Variants in ZFP64 observed in about 807,000 individuals in gnomAD.
ZFP64 encodes ZFP64 zinc finger protein.
ZFP64 carries 14 observed loss-of-function variants against 51.6 expected under a neutral mutation model. The observed-to-expected ratio is 0.27, with a 90% CI of 0.18 to 0.42. ZFP64 has a LOEUF of 0.42. Ranked by LOEUF, ZFP64 falls within the 10% of genes least tolerant of loss-of-function variation. ZFP64 has a pLI of 1.00. For missense variants in ZFP64, 754 were observed against 906.8 expected, an observed-to-expected ratio of 0.83 and a Z score of 2.16; for synonymous variants, 375 against 361.4, an observed-to-expected ratio of 1.04 and a Z score of -0.43.
chr20:52,162,314 A>G (rs539378858), intron 4 of ZFP64, among the ~76,000 whole-genome samples: 1 of 150,350 alleles, frequency 6.7e-6, no homozygotes, highest in East Asian at 2.0e-4. Flanking sequence ...AAAAAAAAAA[A>G]TTAGCATTTT....
chr20:52,151,930 G>T lies in ZFP64; in HGVS notation c.*216C>A. The T allele has an allele frequency of 4.4e-6, 5 of 1,144,088 alleles. No homozygotes were observed. The highest frequency in any genetic ancestry group is 1.7e-5 in the South Asian group (1 of 58,964). 70.9% of individuals were successfully genotyped at this position (1,144,088 alleles called of 1,614,324 possible). ...CGTACACCTGTGGTCCCAGCTACTC[G>T]GAGGGCTGAGGCATGAGAATCGCTT... On this transcript the variant is annotated 3_prime_UTR_variant, in exon 6 of 6. Transcript: ENST00000216923.
chr20:52,103,579 G>C (rs1160929396), intron 5 of ZFP64, among the ~76,000 whole-genome samples: 2 of 152,216 alleles, frequency 1.3e-5, no homozygotes, highest in Non-Finnish European at 2.9e-5. Context: ...CGCAGCGCTG[G>C]CTGCAGGAAT....
chr20:52,132,690 A>G (rs573127668), intron 5 of ZFP64, among the ~76,000 whole-genome samples: 21 of 152,286 alleles, frequency 1.4e-4, no homozygotes, highest in East Asian at 1.2e-3. Context: ...GATCATTAAC[A>G]AGTAACGAGA....
chr20:52,163,779 T>G (rs1321173114), intron 4 of ZFP64, among the ~76,000 whole-genome samples: 1 of 140,298 alleles, frequency 7.1e-6, no homozygotes, highest in African/African-American at 2.7e-5. Flanking sequence ...AATACAAGCA[T>G]ATAACACTTG....
intron 5 of ZFP64, among the ~76,000 whole-genome samples, chr20:52,122,927 A>C (rs952950141): frequency 6.6e-6 from 1 of 152,190 alleles, no homozygotes; most frequent in Admixed American, 6.6e-5. Context: ...TTGAAATGAC[A>C]ACAAAGGGTT....
At chr20:52,119,118 C>T (rs377157025) in intron 5 of ZFP64, among the ~76,000 whole-genome samples, 1 of 151,956 alleles carries the variant, frequency 6.6e-6, no homozygotes, top group African/African-American at 2.4e-5. Context: ...GCATTCCAGC[C>T]TGGGTGACAG....
chr20:52,137,607 G>A (rs1023827212), intron 5 of ZFP64, among the ~76,000 whole-genome samples: 3 of 152,174 alleles, frequency 2.0e-5, no homozygotes, highest in Non-Finnish European at 4.4e-5. Context: ...GGTGAACAAT[G>A]AATGCAGTAA....
rs1310406392 is a variant in ZFP64, at chr20:52,152,658, C to T, written c.1534G>A (p.Val512Ile). ...TTCACTGCAGCGGCGGCAGCCTGGACGATGGTGTTCGCCTGGGGCACCTGA... is the reference window on the plus strand; with the variant it reads ...TTCACTGCAGCGGCGGCAGCCTGGATGATGGTGTTCGCCTGGGGCACCTGA... ...GHQVPQANTI[V>I]QAAAAAVNIV... Residue 512 changes from valine (V) to isoleucine (I), a missense_variant, in exon 6 of 6, where the codon GTC becomes ATC. This residue lies in a region of ZFP64 where 428 missense variants were observed against 472.4 expected (regional missense o/e 0.91). Coordinates refer to ENST00000216923, the MANE Select transcript of ZFP64 (RefSeq NM_018197.3). The T allele has an allele frequency of 3.9e-6, 6 of 1,536,824 alleles. No homozygotes were observed. The highest frequency in any genetic ancestry group is 5.2e-6 in the Non-Finnish European group (6 of 1,144,852).
chr20:52,095,157 C>CT (rs1381543799), intron 7 of ZFP64, among the ~76,000 whole-genome samples: 9 of 152,260 alleles, frequency 5.9e-5, no homozygotes, highest in Non-Finnish European at 1.3e-4. Context: ...GACCTTTCCC[C>CT]TCTCCTCTTG....
At chr20:52,124,666 G>A (rs1979362959) in intron 5 of ZFP64, among the ~76,000 whole-genome samples, 2 of 151,804 alleles carry the variant, frequency 1.3e-5, no homozygotes, top group Admixed American at 1.3e-4. Context: ...CTGGAGTACA[G>A]TGGTGCAATC....
At chr20:52,179,893 G>C (rs568225561) in intron 2 of ZFP64, among the ~76,000 whole-genome samples, 94 of 152,314 alleles carry the variant, frequency 6.2e-4, no homozygotes, top group African/African-American at 2.1e-3. Flanking sequence ...TATCAAGAGG[G>C]AAAGAAGGCT....
intron 6 of ZFP64, chr20:52,098,337 C>CA: frequency 1.3e-6 from 2 of 1,516,928 alleles, no homozygotes; most frequent in Non-Finnish European, 1.8e-6. Flanking sequence ...ATGTTGTCAG[C>CA]AAACAAGAGT....
intron 2 of ZFP64, among the ~76,000 whole-genome samples, chr20:52,173,432 A>G (rs540213791): frequency 1.3e-5 from 2 of 152,096 alleles, no homozygotes; most frequent in South Asian, 4.2e-4. Context: ...ACAAAACCAT[A>G]CAAAAAATAG....
At chr20:52,179,648 G>A (rs12481281) in intron 2 of ZFP64, among the ~76,000 whole-genome samples, 25,587 of 152,192 alleles carry the variant, frequency 0.17, 2,718 homozygotes, top group South Asian at 0.24. Context: ...TCAATCAGGC[G>A]GGCAGGGCCT....
chr20:52,113,502 A>G (rs1978707771), intron 5 of ZFP64, among the ~76,000 whole-genome samples: 1 of 131,544 alleles, frequency 7.6e-6, no homozygotes. Context: ...ATCTCGGCTC[A>G]CTGCATCCTT....
chr20:52,107,239 G>A (rs1162516672), intron 5 of ZFP64, among the ~76,000 whole-genome samples: 1 of 152,178 alleles, frequency 6.6e-6, no homozygotes, highest in Non-Finnish European at 1.5e-5. Context: ...ACTGCTTGAG[G>A]TGTGTACATG....
At position 52,169,373 on chromosome 20, in the gene ZFP64, T is replaced by C. The variant is rs147746464; in HGVS notation, c.287-3348A>G. Among the ~76,000 whole-genome samples the C allele has an allele frequency of 4.4e-3, 676 of 152,352 alleles. 10 individuals carry two copies. Among genetic ancestry groups the C allele is most frequent in the African/African-American group, 0.015 (640 of 41,586 alleles). ...TGGTGCTAAAACCAGGGTGCTGGGC[T>C]ATGGTCATACTCCATGGCCTCCCAA... is the stretch of plus-strand genomic sequence containing the variant. On this transcript the variant is annotated intron_variant, in intron 2 of 5. Transcript: ENST00000216923.
At chr20:52,189,321 G>T (rs1380850686) in intron 1 of ZFP64, among the ~76,000 whole-genome samples, 1 of 151,698 alleles carries the variant, frequency 6.6e-6, no homozygotes, top group Non-Finnish European at 1.5e-5. Flanking sequence ...GCTTGAACCT[G>T]GGACGTGGAG....
intron 7 of ZFP64, among the ~76,000 whole-genome samples, chr20:52,089,708 T>A (rs1343020101): frequency 6.8e-6 from 1 of 148,078 alleles, no homozygotes; most frequent in East Asian, 2.0e-4. Flanking sequence ...GCCACTGCAC[T>A]CTAGCCTGGG....
Sources: allele counts gnomAD v4.1 joint callset (sites outside exome capture counted in the v4.1 genomes callset), GRCh38; gene constraint gnomAD v4.1.1; regional missense constraint gnomAD v4.1.1; transcripts MANE v1.5; gene names NCBI Gene and HGNC (gene_info 2026-07-23, HGNC 2026-07-21).